TENM3: variants seen among roughly 807,000 people sequenced by gnomAD.
The protein encoded by TENM3 is teneurin transmembrane protein 3.
In TENM3, 63 loss-of-function variants were observed where a neutral mutation model predicts 255.1. The observed-to-expected ratio is 0.25, with a 90% CI of 0.20 to 0.30. The LOEUF is 0.30. Among genes scored for constraint, TENM3 ranks in the 10% least tolerant of loss-of-function variants. The probability of loss-of-function intolerance (pLI) is 1.00; values close to 1 mark genes in which losing one functional copy is unlikely to be tolerated. For missense variants in TENM3, 2,929 were observed against 3,461.1 expected (o/e 0.85, Z 3.86); for synonymous variants, 1,306 against 1,322.3 (o/e 0.99, Z 0.27).
intron 1 of TENM3, among the ~76,000 whole-genome samples, chr4:182,253,952 G>A (rs1456908712): frequency 6.6e-6 from 1 of 152,036 alleles, no homozygotes; most frequent in African/African-American, 2.4e-5. Context: ...CTTTAAAACT[G>A]ATGTATACAT....
the TENM3 span, among the ~76,000 whole-genome samples, chr4:181,796,215 C>T: frequency 1.3e-5 from 2 of 152,108 alleles, no homozygotes; most frequent in Admixed American, 6.6e-5. Flanking sequence ...TTATAGTCAT[C>T]GATTCCTTCA....
chr4:181,451,048 T>A, the TENM3 span, among the ~76,000 whole-genome samples: 1 of 152,186 alleles, frequency 6.6e-6, no homozygotes, highest in South Asian at 2.1e-4. Flanking sequence ...TTCTGAGTGA[T>A]GAAAAAACTA....
chr4:181,978,763 T>C, the TENM3 span, among the ~76,000 whole-genome samples: 3 of 149,918 alleles, frequency 2.0e-5, no homozygotes, highest in Non-Finnish European at 4.4e-5. Flanking sequence ...GAAGTTCAGG[T>C]GGGAATTGAG....
At chr4:182,291,508 C>T (rs1439059955) in intron 1 of TENM3, among the ~76,000 whole-genome samples, 1 of 152,112 alleles carries the variant, frequency 6.6e-6, no homozygotes, top group East Asian at 1.9e-4. Flanking sequence ...GTGTGTCCCA[C>T]GCAGCGCTGG....
chr4:182,626,117 G>C (rs1195963645), intron 4 of TENM3, among the ~76,000 whole-genome samples: 2 of 152,198 alleles, frequency 1.3e-5, no homozygotes, highest in Non-Finnish European at 2.9e-5. Flanking sequence ...TTTCACGATA[G>C]AACAGCAGAG....
intron 1 of TENM3, among the ~76,000 whole-genome samples, chr4:182,292,623 C>T (rs1761196595): frequency 6.6e-6 from 1 of 152,196 alleles, no homozygotes; most frequent in South Asian, 2.1e-4. Context: ...GTAAATGCTT[C>T]ATGCTTTGAT....
the TENM3 span, among the ~76,000 whole-genome samples, chr4:181,950,087 C>T: frequency 1.6e-4 from 25 of 152,310 alleles, no homozygotes; most frequent in Admixed American, 5.2e-4. Flanking sequence ...CCTGCCCCAC[C>T]TTAACTGATG....
the TENM3 span, among the ~76,000 whole-genome samples, chr4:181,483,216 G>A: frequency 1.3e-5 from 2 of 151,982 alleles, no homozygotes; most frequent in African/African-American, 2.4e-5. Context: ...AACCTGTACC[G>A]TTTTTGCCAG....
chr4:182,152,691 A>C (rs1750424335), intron 1 of TENM3, among the ~76,000 whole-genome samples: 1 of 151,802 alleles, frequency 6.6e-6, no homozygotes, highest in African/African-American at 2.4e-5. Context: ...CACATGTGAC[A>C]GGGACTTTGA....
intron 3 of TENM3, among the ~76,000 whole-genome samples, chr4:182,595,963 A>G (rs1747178005): frequency 6.6e-6 from 1 of 151,870 alleles, no homozygotes; most frequent in South Asian, 2.1e-4. Flanking sequence ...TTTAAATATC[A>G]GAACATTTTC....
intron 1 of TENM3, among the ~76,000 whole-genome samples, chr4:182,182,088 G>A: frequency 6.6e-6 from 1 of 151,996 alleles, no homozygotes; most frequent in South Asian, 2.1e-4. Context: ...TGTTGCTGAT[G>A]GAAAACACTG....
At chr4:181,498,572 TA>T in the TENM3 span, among the ~76,000 whole-genome samples, 14,386 of 152,232 alleles carry the variant, frequency 0.095, 828 homozygotes, top group Middle Eastern at 0.24. Flanking sequence ...GTCAAATACT[TA>T]AAGGGCTAAC....
the TENM3 span, among the ~76,000 whole-genome samples, chr4:181,697,348 C>T: frequency 5.3e-5 from 8 of 152,244 alleles, no homozygotes; most frequent in African/African-American, 1.9e-4. Context: ...GGAAGTGCAT[C>T]AAAGTGTTTC....
At chr4:181,584,888 G>A in the TENM3 span, among the ~76,000 whole-genome samples, 8,897 of 151,456 alleles carry the variant, frequency 0.059, 334 homozygotes, top group South Asian at 0.14. Flanking sequence ...ATAATAGGTC[G>A]CTTTTGGCAC....
chr4:181,647,558 G>A, the TENM3 span, among the ~76,000 whole-genome samples: 1 of 151,952 alleles, frequency 6.6e-6, no homozygotes, highest in Admixed American at 6.6e-5. Flanking sequence ...TGCTTTTGTC[G>A]CTCATTTCAC....
chr4:182,406,464 T>C (rs536870824), intron 3 of TENM3, among the ~76,000 whole-genome samples: 2 of 152,288 alleles, frequency 1.3e-5, no homozygotes, highest in South Asian at 4.1e-4. Flanking sequence ...TAATTGTAAA[T>C]GTTAAAAAAC....
At position 182,626,544 on chromosome 4, in the gene TENM3, C is replaced by A. The variant is rs887589402; in HGVS notation, c.750-2107C>A. On this transcript the variant is annotated intron_variant, in intron 4 of 27. Transcript: ENST00000511685. The stretch of plus-strand genomic sequence containing the variant: ...TATGCCCTTTTTACAGATGATAAAA[C>A]CAAGACACAAAACTTGAGTAACTTA... 3.9e-5 allele frequency among the ~76,000 whole-genome samples: 6 copies of A among 152,060 alleles called. No homozygotes were observed. The East Asian group carries it at 1.2e-3, about 29-fold the overall frequency.
At chr4:181,916,751 C>G in the TENM3 span, among the ~76,000 whole-genome samples, 6 of 152,072 alleles carry the variant, frequency 3.9e-5, no homozygotes, top group Admixed American at 6.6e-5. Context: ...GTGGCGCGTG[C>G]TCGTAATCCC....
At chr4:181,542,092 A>C in the TENM3 span, among the ~76,000 whole-genome samples, 1 of 152,202 alleles carries the variant, frequency 6.6e-6, no homozygotes, top group Admixed American at 6.5e-5. Flanking sequence ...GCATGGAAAG[A>C]CAAATTATAA....
Sources: gnomAD v4.1 joint callset for allele counts (sites outside exome capture counted in the v4.1 genomes callset) on GRCh38, gnomAD v4.1.1 for gene constraint, MANE v1.5 for transcripts, NCBI Gene and HGNC (gene_info 2026-07-23, HGNC 2026-07-21) for gene names.